SERPINC1: variants seen among roughly 807,000 people sequenced by gnomAD.
SERPINC1 encodes the protein serpin family C member 1, also known as antithrombin-III.
In SERPINC1, 12 loss-of-function variants were observed where a neutral mutation model predicts 43.4. That is an observed-to-expected ratio of 0.28 (90% confidence interval 0.18 to 0.45). The LOEUF (loss-of-function observed/expected upper bound fraction) is 0.45. Ranked by LOEUF, SERPINC1 falls within the 20% of genes least tolerant of loss-of-function variation. The probability of loss-of-function intolerance (pLI) is 1.00; values close to 1 mark genes in which losing one functional copy is unlikely to be tolerated. For synonymous variants in SERPINC1, 210 were observed against 218.9 expected, an observed-to-expected ratio of 0.96 and a Z score of 0.36; for missense variants, 423 against 578.8, an observed-to-expected ratio of 0.73 and a Z score of 2.76.
intron 5 of SERPINC1, among the ~76,000 whole-genome samples, chr1:173,909,024 A>T (rs9425770): frequency 0.012 from 1,801 of 152,232 alleles, 46 homozygotes; most frequent in African/African-American, 0.042. Context: ...ATTACCAGGT[A>T]TGGTGACGTG....
intron 1 of SERPINC1, 176 bp from the exon 2 acceptor site, chr1:173,915,095 G>A: frequency 6.8e-7 from 1 of 1,470,338 alleles, no homozygotes; most frequent in Non-Finnish European, 8.9e-7. Context: ...TAGACTTCTT[G>A]CCAGGGGACA....
chr1:173,914,491 G>A (rs2102789401), intron 2 of SERPINC1, 62 bp downstream of exon 2: 1 of 1,604,956 alleles, frequency 6.2e-7, no homozygotes, highest in South Asian at 1.1e-5. Flanking sequence ...TTGGACTTGG[G>A]CCTATGGAAG....
At chr1:173,916,888 C>T (rs1658013129) in intron 1 of SERPINC1, among the ~76,000 whole-genome samples, 1 of 152,180 alleles carries the variant, frequency 6.6e-6, no homozygotes, top group Non-Finnish European at 1.5e-5. Flanking sequence ...TTGCTCTCTT[C>T]CCGGATGGAT....
At chr1:173,911,654 C>G in intron 3 of SERPINC1, 145 bp downstream of exon 3, 1 of 711,484 alleles carries the variant, frequency 1.4e-6, no homozygotes, top group East Asian at 2.7e-5. Flanking sequence ...GTAAGAATAA[C>G]TATTGCAGGG....
chr1:173,905,326 A>G lies in SERPINC1; in HGVS notation c.1219-1261T>C, dbSNP rs567202536. 7.2e-5 allele frequency among the ~76,000 whole-genome samples: 11 copies of G among 152,332 alleles called. No homozygotes were observed. In the South Asian group the frequency reaches 2.3e-3, roughly 32 times the overall value. ...TACTCTTGCTATTGTCTTAAAGGTC[A>G]TTGACATTCATTGTCCTATAGATTA... On this transcript the variant is annotated intron_variant, in intron 6 of 6. Coordinates refer to ENST00000367698, the MANE Select transcript of SERPINC1 (RefSeq NM_000488.4).
intron 5 of SERPINC1, 143 bp from the exon 6 acceptor site, chr1:173,907,657 C>T: frequency 1.3e-6 from 1 of 744,796 alleles, no homozygotes; most frequent in Non-Finnish European, 2.5e-6. Flanking sequence ...TAATCATACT[C>T]TCACAATGAA....
Position 173,909,815 on chromosome 1 carries a change from T to G in SERPINC1, c.890A>C (p.Glu297Ala), listed in dbSNP as rs1572088644. 6.2e-7 allele frequency: 1 copy of G among 1,614,184 alleles called. No homozygotes were observed. The highest frequency in any genetic ancestry group is 1.3e-5 in the African/African-American group (1 of 75,068). Residue 297 changes from glutamate to alanine, a missense_variant, in exon 5 of 7, where the codon GAA becomes GCA. Physicochemically the swap from Glu to Ala is moderately radical, Grantham distance 107. Coordinates refer to ENST00000367698, the MANE Select transcript of SERPINC1 (RefSeq NM_000488.4). ...GGGCAACTCAAGCACCTGGGTGCCT[T>G]CAGCCACGCGCCGATAACGGAACTT... ...EGKFRYRRVAEGTQVLELPFK... is the reference protein window; with the variant it reads ...EGKFRYRRVAAGTQVLELPFK...
intron 1 of SERPINC1, chr1:173,915,280 G>T: frequency 1.4e-6 from 1 of 707,616 alleles, no homozygotes; most frequent in Non-Finnish European, 1.9e-6. Context: ...AGTCAGGGTG[G>T]TAGGGGGAGC....
chr1:173,909,649 C>T lies in SERPINC1; in HGVS notation c.1056G>A (p.Met352Ile). The change falls in exon 5 of 7, where the codon ATG becomes ATA. Residue 352 changes from methionine to isoleucine, a missense_variant. Transcript: ENST00000367698. The part of the protein sequence containing the change: ...ELEEMMLVVH[M>I]PRFRIEDGFS... The stretch of plus-strand genomic sequence containing the variant: ...AGCCGTCCTCAATGCGGAAGCGGGG[C>T]ATGTGGACCACCAGCATCATCTCCT... 2 of 1,613,894 alleles carry T rather than the reference C, an allele frequency of 1.2e-6. No individual in the cohort carries two copies. Among genetic ancestry groups the T allele is most frequent in the Non-Finnish European group, 1.7e-6 (2 of 1,179,756 alleles).
At chr1:173,916,836 G>T (rs1553218898) in intron 1 of SERPINC1, among the ~76,000 whole-genome samples, 1 of 152,088 alleles carries the variant, frequency 6.6e-6, no homozygotes, top group African/African-American at 2.4e-5. Context: ...CTGAGTGGAA[G>T]AAAGAGCAAA....
chr1:173,906,022 CT>C (rs1485190760), intron 6 of SERPINC1, among the ~76,000 whole-genome samples: 1 of 152,200 alleles, frequency 6.6e-6, no homozygotes, highest in African/African-American at 2.4e-5. Flanking sequence ...AAACCTTTCT[CT>C]TTGACTACAA....
intron 4 of SERPINC1, 37 bp downstream of exon 4, chr1:173,910,717 G>C (rs377045573): frequency 6.2e-7 from 1 of 1,609,040 alleles, no homozygotes; most frequent in African/African-American, 1.3e-5. Context: ...AGAGCAAGAG[G>C]AAGTCCCTGG....
At position 173,909,931 on chromosome 1, in the gene SERPINC1, C is replaced by T. The variant is rs906122970; in HGVS notation, c.774G>A (p.Lys258=). ...TTGTGTTCTCAGGGCTGAACTTTGA[C>T]TTCCACAGGCCCTGGAAGAGAATCA... ...VNTIYFKGLW[K]SKFSPENTRK... is the part of the protein sequence containing the mutation. Residue 258 remains lysine, a synonymous_variant, in exon 5 of 7, where the codon AAG becomes AAA. Coordinates refer to ENST00000367698, the MANE Select transcript of SERPINC1 (RefSeq NM_000488.4). 1.2e-6 allele frequency: 2 copies of T among 1,614,140 alleles called. No individual in the cohort carries two copies. Among genetic ancestry groups the T allele is most frequent in the Admixed American group, 3.3e-5 (2 of 60,030 alleles).
At chr1:173,907,984 AAATAAT>A (rs57195053) in intron 5 of SERPINC1, among the ~76,000 whole-genome samples, 2,849 of 139,400 alleles carry the variant, frequency 0.02, 39 homozygotes, top group South Asian at 0.033. Flanking sequence ...TGCATCTCAA[AAATAAT>A]AATAATAATA....
At chr1:173,911,765 A>C in intron 3 of SERPINC1, 34 bp downstream of exon 3, 1 of 1,514,744 alleles carries the variant, frequency 6.6e-7, no homozygotes, top group Admixed American at 1.7e-5. Flanking sequence ...GGAGAGGAAG[A>C]ACTCGGAGGT....
intron 2 of SERPINC1, among the ~76,000 whole-genome samples, chr1:173,913,118 T>A (rs1358197431): frequency 1.3e-5 from 2 of 152,138 alleles, no homozygotes. Flanking sequence ...CCCACAGACT[T>A]TAGTGTCCAA....
chr1:173,909,715 T>C lies in SERPINC1; in HGVS notation c.990A>G (p.Glu330=), dbSNP rs1572088536. The part of the protein sequence containing the change: ...PEKSLAKVEK[E]LTPEVLQEWL... Reference sequence around the variant, plus strand: ...ACTCTTGCAGCACCTCTGGGGTGAGTTCCTTCTCTACCTTGGCCAGGCTCT... The same window carrying C: ...ACTCTTGCAGCACCTCTGGGGTGAGCTCCTTCTCTACCTTGGCCAGGCTCT... Residue 330 remains glutamate (E), a synonymous_variant, in exon 5 of 7, where the codon GAA becomes GAG. Coordinates refer to ENST00000367698, the MANE Select transcript of SERPINC1 (RefSeq NM_000488.4). The C allele has an allele frequency of 6.2e-7, 1 of 1,614,094 alleles. No individual in the cohort carries two copies. The highest frequency in any genetic ancestry group is 8.5e-7 in the Non-Finnish European group (1 of 1,179,978).
chr1:173,907,968 C>A (rs1657592198), intron 5 of SERPINC1, among the ~76,000 whole-genome samples: 1 of 141,962 alleles, frequency 7.0e-6, no homozygotes, highest in South Asian at 2.3e-4. Context: ...GCAACAAGAG[C>A]AAAACTGCAT....
chr1:173,909,892 G>A lies in SERPINC1; in HGVS notation c.813C>T (p.Phe271=). The A allele has an allele frequency of 1.2e-6, 2 of 1,614,176 alleles. No individual in the cohort carries two copies. The highest frequency in any genetic ancestry group is 1.7e-6 in the Non-Finnish European group (2 of 1,180,040). ...AACACGACTCTCCATCAGCCTTGTAGAACAGTTCCTTCCTTGTGTTCTCAG... is the reference window on the plus strand; with the variant it reads ...AACACGACTCTCCATCAGCCTTGTAAAACAGTTCCTTCCTTGTGTTCTCAG... ...FSPENTRKEL[F]YKADGESCSA... is the part of the protein sequence containing the mutation. The change falls in exon 5 of 7, where the codon TTC becomes TTT. Residue 271 remains phenylalanine (F), a synonymous_variant. Transcript: ENST00000367698.
Sources: allele counts gnomAD v4.1 joint callset (sites outside exome capture counted in the v4.1 genomes callset), GRCh38; gene constraint gnomAD v4.1.1; transcripts MANE v1.5; gene names NCBI Gene and HGNC (gene_info 2026-07-23, HGNC 2026-07-21).